PTBP2: variants seen among roughly 807,000 people sequenced by gnomAD.
The protein encoded by PTBP2 is polypyrimidine tract binding protein 2, also known as polypyrimidine tract-binding protein 2.
In PTBP2, 13 loss-of-function variants were observed where a neutral mutation model predicts 61.4. The ratio of observed to expected loss-of-function variants is 0.21; its 90% CI spans 0.14 to 0.34. The LOEUF (loss-of-function observed/expected upper bound fraction) is 0.34, where lower values mean the gene tolerates loss of function less well. Among genes scored for constraint, PTBP2 ranks in the 10% least tolerant of loss-of-function variants. The pLI, the probability that PTBP2 is intolerant of heterozygous loss-of-function variation, is 1.00. For missense variants in PTBP2, 405 were observed against 642.6 expected, an observed-to-expected ratio of 0.63 and a Z score of 4.00; for synonymous variants, 215 against 218.5, an observed-to-expected ratio of 0.98 and a Z score of 0.14.
At chr1:96,801,467 A>G (rs1429209386) in intron 8 of PTBP2, among the ~76,000 whole-genome samples, 2 of 152,192 alleles carry the variant, frequency 1.3e-5, no homozygotes, top group Non-Finnish European at 2.9e-5. Context: ...TCACGGTAAT[A>G]CTAAAGTGTA....
intron 3 of PTBP2, among the ~76,000 whole-genome samples, chr1:96,753,709 G>A (rs1315837189): frequency 6.6e-6 from 1 of 152,098 alleles, no homozygotes; most frequent in African/African-American, 2.4e-5. Context: ...AATGAGTGAT[G>A]GAGGAGTGTG....
chr1:96,756,134 T>G (rs953044152), intron 3 of PTBP2, among the ~76,000 whole-genome samples: 7 of 152,130 alleles, frequency 4.6e-5, no homozygotes, highest in Non-Finnish European at 1.0e-4. Flanking sequence ...CACAGTGGCT[T>G]ACGCCTGTAA....
intron 3 of PTBP2, among the ~76,000 whole-genome samples, chr1:96,764,475 A>G (rs1475031412): frequency 6.6e-6 from 1 of 152,184 alleles, no homozygotes; most frequent in Non-Finnish European, 1.5e-5. Context: ...ATATCCCTTT[A>G]GGTATACATA....
intron 2 of PTBP2, among the ~76,000 whole-genome samples, chr1:96,744,760 A>G (rs571212693): frequency 1.1e-4 from 17 of 152,280 alleles, no homozygotes; most frequent in East Asian, 3.9e-4. Context: ...ATCTTAATCT[A>G]CCATTTTGAT....
intron 11 of PTBP2, among the ~76,000 whole-genome samples, chr1:96,807,299 T>G (rs1661589439): frequency 6.6e-6 from 1 of 152,186 alleles, no homozygotes; most frequent in Non-Finnish European, 1.5e-5. Flanking sequence ...GTTCATACAG[T>G]CCATAGAATC....
At chr1:96,762,389 C>T (rs1379438489) in intron 3 of PTBP2, among the ~76,000 whole-genome samples, 13 of 148,178 alleles carry the variant, frequency 8.8e-5, no homozygotes, top group African/African-American at 1.8e-4. Context: ...GCTGGCCGGG[C>T]GGGGGGCTGA....
intron 2 of PTBP2, 41 bp downstream of exon 2, chr1:96,723,635 A>C: frequency 6.6e-7 from 1 of 1,507,856 alleles, no homozygotes; most frequent in South Asian, 1.3e-5. Flanking sequence ...TGTTGGATCT[A>C]TTATCATAAT....
At chr1:96,796,504 G>A (rs1375523192) in intron 8 of PTBP2, among the ~76,000 whole-genome samples, 1 of 152,130 alleles carries the variant, frequency 6.6e-6, no homozygotes, top group Non-Finnish European at 1.5e-5. Flanking sequence ...CAAGTTGAAA[G>A]TAGGAAAGTA....
intron 8 of PTBP2, among the ~76,000 whole-genome samples, chr1:96,787,451 T>C (rs1457523618): frequency 6.6e-6 from 1 of 152,220 alleles, no homozygotes; most frequent in Non-Finnish European, 1.5e-5. Context: ...ATAACGCATT[T>C]TTGTTTCTTC....
chr1:96,728,158 T>C (rs995595191), intron 2 of PTBP2, among the ~76,000 whole-genome samples: 1 of 152,110 alleles, frequency 6.6e-6, no homozygotes, highest in African/African-American at 2.4e-5. Flanking sequence ...AGCTAACTTT[T>C]AAATTTTTTA....
chr1:96,769,322 G>T (rs1164735111), intron 3 of PTBP2, among the ~76,000 whole-genome samples: 5 of 151,964 alleles, frequency 3.3e-5, no homozygotes, highest in Non-Finnish European at 7.4e-5. Flanking sequence ...AATCTTATGG[G>T]ACCACCATTG....
rs762339230 is a variant in PTBP2, at chr1:96,814,227, TTGACA to T, written c.*827_*831del. On this transcript the variant is annotated 3_prime_UTR_variant, in exon 14 of 14. Coordinates refer to ENST00000674951, the MANE Select transcript of PTBP2 (RefSeq NM_021190.4). Reference sequence around the variant, plus strand: ...ATATTTTTCGTAGATGTTTTTGAAGTTGACATGACTTACGTGCATTTAAATATATA... The same window carrying T: ...ATATTTTTCGTAGATGTTTTTGAAGTTGACTTACGTGCATTTAAATATATA... The T allele has an allele frequency of 4.5e-4, 69 of 152,670 alleles. No homozygotes were observed. Among genetic ancestry groups the T allele is most frequent in the Admixed American group, 7.2e-4 (11 of 15,280 alleles). 9.5% of individuals were successfully genotyped at this position (152,670 alleles called of 1,614,324 possible). A position where few individuals can be genotyped will look rare whatever the true frequency, so the allele number is the denominator to read the frequency against.
chr1:96,770,511 C>T (rs1016270126), intron 4 of PTBP2, among the ~76,000 whole-genome samples, 197 bp from the exon 5 acceptor site: 2 of 151,828 alleles, frequency 1.3e-5, no homozygotes, highest in African/African-American at 4.8e-5. Flanking sequence ...AGCGTGTACT[C>T]GGTTTTCTTC....
At chr1:96,818,474 T>A (rs1268873086), downstream of PTBP2, 2 of 152,076 alleles carry the variant, frequency 1.3e-5, no homozygotes, top group Admixed American at 1.3e-4. Context: ...TTCTCTAATA[T>A]CTAGACTAGC....
intron 1 of PTBP2, among the ~76,000 whole-genome samples, chr1:96,722,947 CAT>C (rs1389084051): frequency 6.6e-6 from 1 of 152,158 alleles, no homozygotes; most frequent in African/African-American, 2.4e-5. Flanking sequence ...GGAGTGTAAA[CAT>C]AGTATCATTT....
chr1:96,787,119 C>G (rs1377326129), intron 8 of PTBP2, among the ~76,000 whole-genome samples: 2 of 152,152 alleles, frequency 1.3e-5, no homozygotes, highest in Non-Finnish European at 2.9e-5. Context: ...CTCCCGGGTT[C>G]AAGCGATTCT....
chr1:96,750,643 TG>T (rs1472233606), intron 2 of PTBP2, among the ~76,000 whole-genome samples: 1 of 152,100 alleles, frequency 6.6e-6, no homozygotes, highest in Non-Finnish European at 1.5e-5. Flanking sequence ...TTAACTTCTT[TG>T]TACTGATTTT....
At chr1:96,798,718 G>T (rs1379198394) in intron 8 of PTBP2, among the ~76,000 whole-genome samples, 1 of 152,158 alleles carries the variant, frequency 6.6e-6, no homozygotes, top group Non-Finnish European at 1.5e-5. Flanking sequence ...TCTGATAATG[G>T]ACTTTTGTTG....
chr1:96,785,768 A>G (rs1659145439), intron 8 of PTBP2, among the ~76,000 whole-genome samples: 1 of 152,200 alleles, frequency 6.6e-6, no homozygotes, highest in Non-Finnish European at 1.5e-5. Flanking sequence ...AATTTAAACT[A>G]GAAGAAATTT....
Sources: allele counts gnomAD v4.1 joint callset (sites outside exome capture counted in the v4.1 genomes callset), GRCh38; gene constraint gnomAD v4.1.1; transcripts MANE v1.5; gene names NCBI Gene and HGNC (gene_info 2026-07-23, HGNC 2026-07-21).